The following TMPRSS4 variants were observed in gnomAD, a reference collection of about 807,000 sequenced individuals.
TMPRSS4 encodes the protein transmembrane protease serine 4.
Under a neutral mutation model 56.4 loss-of-function variants are expected in TMPRSS4, and 45 were observed. The observed-to-expected ratio is 0.80, with a 90% CI of 0.63 to 1.02. The LOEUF is 1.02. Ranked by LOEUF, TMPRSS4 falls within the 50% of genes least tolerant of loss-of-function variation. The pLI, the probability that TMPRSS4 is intolerant of heterozygous loss-of-function variation, is 0.00. For synonymous variants in TMPRSS4, 205 were observed against 211.0 expected (o/e 0.97, Z 0.25); for missense variants, 546 against 556.7 (o/e 0.98, Z 0.19).
chr11:118,099,196 C>A, intron 3 of TMPRSS4, 98 bp downstream of exon 3: 2 of 947,438 alleles, frequency 2.1e-6, no homozygotes, highest in East Asian at 2.6e-5. Flanking sequence ...CAGTCCCCCA[C>A]CCCTGCCCTC....
intron 5 of TMPRSS4, chr11:118,107,470 A>G (rs1947050641): frequency 4.2e-6 from 1 of 237,994 alleles, no homozygotes; most frequent in Admixed American, 5.3e-5. Context: ...AGAGCTGGGA[A>G]TATGGAAAGG....
chr11:118,099,416 G>A (rs1488340369), intron 3 of TMPRSS4, among the ~76,000 whole-genome samples: 1 of 144,110 alleles, frequency 6.9e-6, no homozygotes, highest in Non-Finnish European at 1.5e-5. Flanking sequence ...GGAATTTGAG[G>A]AGAAAAAAAC....
chr11:118,084,719 A>G (rs1377887482), intron 1 of TMPRSS4, among the ~76,000 whole-genome samples: 2 of 152,260 alleles, frequency 1.3e-5, no homozygotes, highest in African/African-American at 2.4e-5. Context: ...CTATGTTTCA[A>G]GCACCAAGCC....
chr11:118,087,600 G>C (rs574571427), intron 1 of TMPRSS4: 1 of 151,232 alleles, frequency 6.6e-6, no homozygotes, highest in East Asian at 1.9e-4. Flanking sequence ...TGGCTTCTCT[G>C]CAGCACACTT....
At chr11:118,115,115 T>G (rs1209982843) in intron 10 of TMPRSS4, 23 bp from the exon 11 acceptor site, 1 of 1,604,894 alleles carries the variant, frequency 6.2e-7, no homozygotes, top group African/African-American at 1.3e-5. Context: ...AGGATGGGAA[T>G]GTGAGTGTTT....
In TMPRSS4 at chr11:118,119,026, G is replaced by C. The variant is rs759736997; in HGVS notation, c.*1113G>C. The C allele has an allele frequency of 2.6e-4, 256 of 985,378 alleles. No individual in the cohort carries two copies. The highest frequency in any genetic ancestry group is 3.0e-4 in the Non-Finnish European group (248 of 829,920). The allele number at this position is 985,378 out of a possible 1,614,324, so 61.0% of individuals were successfully genotyped here. ...TGTATGAAAGCTTGGGTTTTCTGAG[G>C]ACTGTCTTGCTATAGTTAAGTCAGA... is the stretch of plus-strand genomic sequence containing the variant. On this transcript the variant is annotated 3_prime_UTR_variant, in exon 13 of 13. Transcript: ENST00000437212.
chr11:118,078,282 T>C (rs1944851889), intron 1 of TMPRSS4, among the ~76,000 whole-genome samples: 1 of 152,228 alleles, frequency 6.6e-6, no homozygotes, highest in African/African-American at 2.4e-5. Flanking sequence ...GGGGTCTTCC[T>C]TCTCCAGTCC....
intron 1 of TMPRSS4, among the ~76,000 whole-genome samples, chr11:118,089,987 G>C (rs1945832639): frequency 6.6e-6 from 1 of 152,158 alleles, no homozygotes; most frequent in African/African-American, 2.4e-5. Context: ...TGGGATTACA[G>C]GCGCGTGCCA....
rs1284882146 is a variant in TMPRSS4 at position 118,118,782 on chromosome 11, A to G, written c.*869A>G. ...GTTAGGCAGTCAAGGGTGACATTCA[A>G]TCAGGGATCCACAAGTGGCTGGAAA... On this transcript the variant is annotated 3_prime_UTR_variant, in exon 13 of 13. Coordinates refer to ENST00000437212, the MANE Select transcript of TMPRSS4 (RefSeq NM_019894.4). 8.1e-6 allele frequency: 8 copies of G among 985,338 alleles called. No homozygotes were observed. The highest frequency in any genetic ancestry group is 9.6e-6 in the Non-Finnish European group (8 of 829,950). The allele number at this position is 985,338 out of a possible 1,614,324, so 61.0% of individuals were successfully genotyped here.
intron 10 of TMPRSS4, 86 bp downstream of exon 10, chr11:118,115,013 C>A: frequency 6.5e-7 from 1 of 1,548,546 alleles, no homozygotes; most frequent in Admixed American, 2.0e-5. Context: ...GAGGACCACC[C>A]TTCAGAGAAA....
At chr11:118,104,097 G>A (rs572147765) in intron 4 of TMPRSS4, among the ~76,000 whole-genome samples, 1 of 152,148 alleles carries the variant, frequency 6.6e-6, no homozygotes, top group East Asian at 1.9e-4. Context: ...CTTGGGCTCT[G>A]AAGAAAAAAA....
At chr11:118,113,225 C>G (rs1947365997) in intron 8 of TMPRSS4, 44 bp from the exon 9 acceptor site, 2 of 1,575,192 alleles carry the variant, frequency 1.3e-6, no homozygotes, top group African/African-American at 1.4e-5. Context: ...GCAAAGTCTC[C>G]TCAGGCTTGG....
At chr11:118,093,454 A>G (rs528262377) in intron 1 of TMPRSS4, among the ~76,000 whole-genome samples, 4 of 152,208 alleles carry the variant, frequency 2.6e-5, no homozygotes, top group Admixed American at 6.5e-5. Context: ...AAACCCAGAC[A>G]GCATGCTCCT....
chr11:118,103,699 G>A (rs1946848448), intron 4 of TMPRSS4, among the ~76,000 whole-genome samples: 1 of 152,148 alleles, frequency 6.6e-6, no homozygotes, highest in South Asian at 2.1e-4. Context: ...TTTCTTGAGA[G>A]CAGGACCCTG....
chr11:118,080,854 T>C (rs904423057), intron 1 of TMPRSS4, among the ~76,000 whole-genome samples: 1 of 152,200 alleles, frequency 6.6e-6, no homozygotes, highest in Non-Finnish European at 1.5e-5. Flanking sequence ...TCTTCTGCCC[T>C]CAGTCTTCCT....
chr11:118,082,566 A>AAAAAG (rs143283208), intron 1 of TMPRSS4, among the ~76,000 whole-genome samples: 8 of 150,282 alleles, frequency 5.3e-5, no homozygotes, highest in African/African-American at 9.8e-5. Context: ...GTCTCAAAAA[A>AAAAAG]AAAGAAAGAA....
At chr11:118,081,383 G>A (rs994524660) in intron 1 of TMPRSS4, among the ~76,000 whole-genome samples, 3 of 152,134 alleles carry the variant, frequency 2.0e-5, no homozygotes, top group Non-Finnish European at 2.9e-5. Flanking sequence ...CACGTCTAAC[G>A]CCACCTCCCA....
At chr11:118,099,475 GAAAGAA>G (rs1463200990) in intron 3 of TMPRSS4, among the ~76,000 whole-genome samples, 536 of 23,650 alleles carry the variant, frequency 0.023, 12 homozygotes, top group African/African-American at 0.057. Context: ...AAGAAAGAAA[GAAAGAA>G]AAAGAAAGAA....
At chr11:118,084,086 A>G (rs1164885381) in intron 1 of TMPRSS4, among the ~76,000 whole-genome samples, 1 of 152,202 alleles carries the variant, frequency 6.6e-6, no homozygotes, top group Non-Finnish European at 1.5e-5. Flanking sequence ...TGCACCAGGC[A>G]ATGTACTATA....
Sources: gnomAD v4.1 joint callset for allele counts (sites outside exome capture counted in the v4.1 genomes callset) on GRCh38, gnomAD v4.1.1 for gene constraint, MANE v1.5 for transcripts, NCBI Gene and HGNC (gene_info 2026-07-23, HGNC 2026-07-21) for gene names.